DRC8: variants seen among roughly 807,000 people sequenced by gnomAD.
DRC8 encodes dynein regulatory complex protein 8.
chr1:245,104,862 C>T, the DRC8 span, among the ~76,000 whole-genome samples: 2 of 152,158 alleles, frequency 1.3e-5, no homozygotes, highest in South Asian at 2.1e-4. Flanking sequence ...ATGCTTTTAC[C>T]ATTGGTTTAT....
chr1:245,096,341 A>G, the DRC8 span, among the ~76,000 whole-genome samples: 3 of 152,272 alleles, frequency 2.0e-5, no homozygotes, highest in African/African-American at 7.2e-5. Context: ...AATGTCCAAC[A>G]CAGGCGGGAC....
At chr1:245,039,474 TAAA>T in the DRC8 span, among the ~76,000 whole-genome samples, 1 of 121,346 alleles carries the variant, frequency 8.2e-6, no homozygotes. Context: ...CGCTGCCTCT[TAAA>T]AAAAAAAAAA....
chr1:245,002,711 G>A, the DRC8 span, among the ~76,000 whole-genome samples: 1 of 149,822 alleles, frequency 6.7e-6, no homozygotes, highest in African/African-American at 2.4e-5. Context: ...GTAGAGATAG[G>A]GTTTTGCCAT....
the DRC8 span, among the ~76,000 whole-genome samples, chr1:245,065,344 C>T: frequency 3.3e-5 from 5 of 152,124 alleles, no homozygotes; most frequent in South Asian, 2.1e-4. Context: ...TGAGCCACCG[C>T]GCCCAGCCTA....
chr1:245,095,598 T>C, the DRC8 span, among the ~76,000 whole-genome samples: 1 of 152,192 alleles, frequency 6.6e-6, no homozygotes, highest in Non-Finnish European at 1.5e-5. Context: ...GGCACGATCA[T>C]AGCTCACTCC....
the DRC8 span, among the ~76,000 whole-genome samples, chr1:245,053,369 T>G: frequency 6.6e-6 from 1 of 152,180 alleles, no homozygotes; most frequent in Admixed American, 6.5e-5. Flanking sequence ...GCTCATGAGC[T>G]GTCTAGGCCT....
chr1:244,998,509 C>T, the DRC8 span, among the ~76,000 whole-genome samples: 1 of 152,254 alleles, frequency 6.6e-6, no homozygotes, highest in Non-Finnish European at 1.5e-5. Context: ...CTGCGCCCAG[C>T]TCCCTTACAT....
At chr1:245,042,652 T>C in the DRC8 span, among the ~76,000 whole-genome samples, 1 of 152,268 alleles carries the variant, frequency 6.6e-6, no homozygotes, top group Non-Finnish European at 1.5e-5. Context: ...TCCTTAGACA[T>C]TTTTGGATTG....
At chr1:245,120,199 C>T in the DRC8 span, among the ~76,000 whole-genome samples, 17 of 152,174 alleles carry the variant, frequency 1.1e-4, no homozygotes, top group South Asian at 2.1e-4. Context: ...CAAAACCACT[C>T]GGATCCCTCT....
At chr1:245,018,312 C>G in the DRC8 span, among the ~76,000 whole-genome samples, 37 of 151,480 alleles carry the variant, frequency 2.4e-4, no homozygotes, top group South Asian at 1.9e-3. Context: ...ATTGCAATCT[C>G]AAGACCAGAA....
At chr1:244,976,039 T>TG in the DRC8 span, among the ~76,000 whole-genome samples, 1 of 150,898 alleles carries the variant, frequency 6.6e-6, no homozygotes, top group Admixed American at 6.6e-5. Flanking sequence ...GAGGCCGAGG[T>TG]GGGGAGATCA....
the DRC8 span, among the ~76,000 whole-genome samples, chr1:245,109,296 C>T: frequency 3.9e-4 from 59 of 152,284 alleles, no homozygotes; most frequent in African/African-American, 1.3e-3. Context: ...GAAGTCAAGC[C>T]AGCTATTGCA....
At chr1:244,996,530 G>A in the DRC8 span, among the ~76,000 whole-genome samples, 69 of 152,264 alleles carry the variant, frequency 4.5e-4, no homozygotes, top group African/African-American at 1.6e-3. Flanking sequence ...TACTGGGCAC[G>A]AGTGCCTACA....
the DRC8 span, among the ~76,000 whole-genome samples, chr1:245,067,025 C>G: frequency 6.6e-6 from 1 of 152,204 alleles, no homozygotes; most frequent in African/African-American, 2.4e-5. Flanking sequence ...TCTGCCATCT[C>G]TACCTTCACA....
At chr1:245,078,072 T>C in the DRC8 span, among the ~76,000 whole-genome samples, 2 of 151,816 alleles carry the variant, frequency 1.3e-5, no homozygotes, top group African/African-American at 2.4e-5. Flanking sequence ...TTTTCAAAGG[T>C]GATGTACAAA....
chr1:245,043,124 T>G, the DRC8 span, among the ~76,000 whole-genome samples: 1 of 152,216 alleles, frequency 6.6e-6, no homozygotes, highest in East Asian at 1.9e-4. Context: ...ATAAGACATC[T>G]ACGTTGACAA....
chr1:245,038,483 G>T, the DRC8 span, among the ~76,000 whole-genome samples: 1 of 152,082 alleles, frequency 6.6e-6, no homozygotes, highest in Non-Finnish European at 1.5e-5. Context: ...AAAAAAAGTA[G>T]GGTGGTGAGT....
the DRC8 span, among the ~76,000 whole-genome samples, chr1:245,063,585 A>G: frequency 6.6e-6 from 1 of 152,216 alleles, no homozygotes; most frequent in Non-Finnish European, 1.5e-5. Flanking sequence ...GGCTAGGATC[A>G]TCATTCAATT....
At chr1:245,115,678 G>T in the DRC8 span, among the ~76,000 whole-genome samples, 6 of 152,212 alleles carry the variant, frequency 3.9e-5, no homozygotes, top group Non-Finnish European at 7.3e-5. Context: ...TCATAGGGCT[G>T]GCTGTCTAGT....
Sources: allele counts gnomAD v4.1 joint callset (sites outside exome capture counted in the v4.1 genomes callset), GRCh38; gene constraint gnomAD v4.1.1; transcripts MANE v1.5; gene names NCBI Gene and HGNC (gene_info 2026-07-23, HGNC 2026-07-21).